RBMS3: variants seen among roughly 807,000 people sequenced by gnomAD.
RBMS3 encodes RNA-binding motif, single-stranded-interacting protein 3.
RBMS3 carries 27 observed loss-of-function variants against 66.8 expected under a neutral mutation model. That is an observed-to-expected ratio of 0.40 (90% CI 0.30 to 0.56). The LOEUF is 0.56. Among genes scored for constraint, RBMS3 ranks in the 20% least tolerant of loss-of-function variants. RBMS3 has a pLI of 0.40. For missense variants in RBMS3, 513 were observed against 549.5 expected (o/e 0.93, Z 0.66); for synonymous variants, 188 against 183.0 (o/e 1.03, Z -0.22).
At chr3:29,775,121 G>A (rs2056378498) in intron 6 of RBMS3, among the ~76,000 whole-genome samples, 2 of 151,756 alleles carry the variant, frequency 1.3e-5, no homozygotes. Flanking sequence ...TAAAGGCGAA[G>A]TTTAAAATAC....
At position 30,006,037 on chromosome 3, in the gene RBMS3, G is replaced by T. The variant is rs1241504944; in HGVS notation, c.*2175G>T. 6.6e-6 allele frequency: 1 copy of T among 151,726 alleles called. No individual in the cohort carries two copies. Among genetic ancestry groups the T allele is most frequent in the East Asian group, 1.9e-4 (1 of 5,180 alleles). The allele number at this position is 151,726 out of a possible 1,614,324, so 9.4% of individuals were successfully genotyped here. A position where few individuals can be genotyped will look rare whatever the true frequency, so the allele number is the denominator to read the frequency against. On this transcript the variant is annotated 3_prime_UTR_variant, in exon 15 of 15. Transcript: ENST00000383767. ...CCTTTACAGTTTTACCTGAAATTAA[G>T]GACAATGGAATAGAATTTGTTAAGT... is the stretch of plus-strand genomic sequence containing the variant.
At chr3:29,522,085 C>T (rs2044882078) in intron 3 of RBMS3, among the ~76,000 whole-genome samples, 1 of 152,278 alleles carries the variant, frequency 6.6e-6, no homozygotes, top group Admixed American at 6.5e-5. Flanking sequence ...CACATCTAGG[C>T]AGTTTATGAA....
At chr3:29,751,886 T>C (rs2055199946) in intron 5 of RBMS3, among the ~76,000 whole-genome samples, 1 of 152,148 alleles carries the variant, frequency 6.6e-6, no homozygotes, top group South Asian at 2.1e-4. Context: ...GAACAAACAC[T>C]GTACAGGCCC....
intron 4 of RBMS3, among the ~76,000 whole-genome samples, chr3:29,630,934 T>C (rs1357329740): frequency 1.3e-5 from 2 of 151,960 alleles, no homozygotes; most frequent in African/African-American, 4.8e-5. Flanking sequence ...TTTCTTGTTT[T>C]AGGATTGGTT....
intron 4 of RBMS3, chr3:29,731,087 A>G (rs2054112111): frequency 3.2e-6 from 3 of 939,958 alleles, no homozygotes; most frequent in Admixed American, 6.2e-5. Context: ...AGGCTCCTCA[A>G]TTGATCTTGA....
intron 1 of RBMS3, among the ~76,000 whole-genome samples, chr3:29,313,361 T>G (rs2034492563): frequency 6.6e-6 from 1 of 151,614 alleles, no homozygotes; most frequent in Non-Finnish European, 1.5e-5. Context: ...CTGCCTCGAG[T>G]AGAGAAAGGA....
chr3:29,491,870 GTAGTCCCAGCTA>G (rs755055573), intron 3 of RBMS3, among the ~76,000 whole-genome samples: 33 of 152,292 alleles, frequency 2.2e-4, no homozygotes, highest in Non-Finnish European at 4.4e-4. Context: ...GCGGGTGCCT[GTAGTCCCAGCTA>G]CTTGGGAGGC....
At chr3:29,460,441 T>A (rs2042334965) in intron 2 of RBMS3, among the ~76,000 whole-genome samples, 1 of 152,244 alleles carries the variant, frequency 6.6e-6, no homozygotes, top group Non-Finnish European at 1.5e-5. Flanking sequence ...ATGTATTTTT[T>A]AATGTGGGTC....
At chr3:29,568,971 G>A (rs1275088973) in intron 3 of RBMS3, among the ~76,000 whole-genome samples, 2 of 152,070 alleles carry the variant, frequency 1.3e-5, no homozygotes, top group Non-Finnish European at 2.9e-5. Context: ...ATGTGCATAT[G>A]GCTTTCTTGG....
intron 14 of RBMS3, among the ~76,000 whole-genome samples, chr3:29,996,308 C>T (rs1699238633): frequency 6.6e-6 from 1 of 151,222 alleles, no homozygotes; most frequent in Non-Finnish European, 1.5e-5. Flanking sequence ...GACTCCCACA[C>T]ATTAATAATG....
chr3:29,522,569 T>C (rs1394975768), intron 3 of RBMS3, among the ~76,000 whole-genome samples: 1 of 152,108 alleles, frequency 6.6e-6, no homozygotes, highest in Non-Finnish European at 1.5e-5. Flanking sequence ...TCTAGAGGAT[T>C]GTGGCAGGAG....
In RBMS3 at chr3:30,009,347, T is replaced by A. The variant is rs1380151820; in HGVS notation, c.*5485T>A. 2.0e-5 allele frequency: 3 copies of A among 152,118 alleles called. No homozygotes were observed. Among genetic ancestry groups the A allele is most frequent in the Non-Finnish European group, 2.9e-5 (2 of 67,998 alleles). 9.4% of individuals were successfully genotyped at this position (152,118 alleles called of 1,614,324 possible). ...ACAATTGGAAATAAAATTTGATTAT[T>A]TTATTTCTTATAAAGTATTAATTTC... On this transcript the variant is annotated 3_prime_UTR_variant, in exon 15 of 15. Transcript: ENST00000383767.
intron 6 of RBMS3, among the ~76,000 whole-genome samples, chr3:29,807,195 G>A (rs975832389): frequency 6.6e-6 from 1 of 152,032 alleles, no homozygotes; most frequent in Middle Eastern, 3.4e-3. Flanking sequence ...AAAACTGTCA[G>A]TATCAAGATT....
At chr3:29,983,335 A>T (rs1698136732) in intron 12 of RBMS3, among the ~76,000 whole-genome samples, 1 of 151,280 alleles carries the variant, frequency 6.6e-6, no homozygotes, top group Non-Finnish European at 1.5e-5. Flanking sequence ...GGTCTCCTGA[A>T]TACAGCACAC....
intron 1 of RBMS3, among the ~76,000 whole-genome samples, chr3:29,402,179 A>T (rs756384115): frequency 4.6e-5 from 7 of 152,034 alleles, no homozygotes; most frequent in Non-Finnish European, 7.4e-5. Context: ...ATGCCTGAAA[A>T]ATTAGTAAAT....
chr3:29,991,366 G>T, intron 14 of RBMS3, 157 bp downstream of exon 14: 1 of 1,284,134 alleles, frequency 7.8e-7, no homozygotes, highest in Non-Finnish European at 1.1e-6. Flanking sequence ...TGAAATTTGG[G>T]CTAACTTTGG....
chr3:29,766,133 T>C (rs148231125), intron 6 of RBMS3: 6 of 152,110 alleles, frequency 3.9e-5, no homozygotes, highest in African/African-American at 1.2e-4. Context: ...ATTGGTGCCA[T>C]ATTCATACGG....
chr3:29,686,927 G>A (rs1467092587), intron 4 of RBMS3, among the ~76,000 whole-genome samples: 2 of 152,118 alleles, frequency 1.3e-5, no homozygotes, highest in Non-Finnish European at 2.9e-5. Flanking sequence ...GGTCCTGCTA[G>A]CCTTAGTAAA....
intron 12 of RBMS3, among the ~76,000 whole-genome samples, chr3:29,950,606 C>A (rs1009737591): frequency 6.6e-6 from 1 of 151,884 alleles, no homozygotes; most frequent in East Asian, 1.9e-4. Flanking sequence ...AGAGATACTG[C>A]CTAATAAACA....
Sources: allele counts gnomAD v4.1 joint callset (sites outside exome capture counted in the v4.1 genomes callset), GRCh38; gene constraint gnomAD v4.1.1; transcripts MANE v1.5; gene names NCBI Gene and HGNC (gene_info 2026-07-23, HGNC 2026-07-21).